Variants in LRRC1 observed in about 807,000 individuals in gnomAD.
LRRC1 encodes the protein leucine rich repeat containing 1.
LRRC1 carries 28 observed loss-of-function variants against 69.9 expected under a neutral mutation model. That is an observed-to-expected ratio of 0.40 (90% CI 0.30 to 0.55). The LOEUF (loss-of-function observed/expected upper bound fraction) is 0.55, where lower values mean the gene tolerates loss of function less well. Ranked by LOEUF, LRRC1 falls within the 20% of genes least tolerant of loss-of-function variation. The pLI, the probability that LRRC1 is intolerant of heterozygous loss-of-function variation, is 0.47. For synonymous variants in LRRC1, 236 were observed against 240.2 expected (o/e 0.98, Z 0.16); for missense variants, 498 against 609.0 (o/e 0.82, Z 1.92).
At position 53,897,196 on chromosome 6, in the gene LRRC1, G is replaced by T; in HGVS notation, c.568-89G>T. On this transcript the variant is annotated intron_variant, in intron 6 of 13. Coordinates refer to ENST00000370888, the MANE Select transcript of LRRC1 (RefSeq NM_018214.5). ...TGAACATCTGCTAAGGTACCCAGTTGTTAACAGATGAATTCAGTTTCTTTC... is the reference window on the plus strand; with the variant it reads ...TGAACATCTGCTAAGGTACCCAGTTTTTAACAGATGAATTCAGTTTCTTTC... 3.5e-6 allele frequency: 3 copies of T among 863,290 alleles called. No homozygotes were observed. In the South Asian group the frequency reaches 4.7e-5, roughly 14 times the overall value. 53.5% of individuals were successfully genotyped at this position (863,290 alleles called of 1,614,324 possible).
At chr6:53,861,641 T>C (rs950594056) in intron 2 of LRRC1, among the ~76,000 whole-genome samples, 3 of 152,020 alleles carry the variant, frequency 2.0e-5, no homozygotes, top group Non-Finnish European at 4.4e-5. Flanking sequence ...GGTGAGACTA[T>C]TGAGAATCAG....
At chr6:53,846,478 C>T (rs904288981) in intron 2 of LRRC1, among the ~76,000 whole-genome samples, 6 of 152,220 alleles carry the variant, frequency 3.9e-5, no homozygotes, top group South Asian at 4.1e-4. Context: ...AGGCCCCTTC[C>T]GATGCCGCTG....
At chr6:53,900,330 C>T (rs1003117452) in intron 8 of LRRC1, among the ~76,000 whole-genome samples, 3 of 152,200 alleles carry the variant, frequency 2.0e-5, no homozygotes, top group Non-Finnish European at 4.4e-5. Context: ...AGCCACCATG[C>T]CCGGCCTTGC....
intron 1 of LRRC1, among the ~76,000 whole-genome samples, chr6:53,828,792 T>C (rs1765344084): frequency 6.6e-6 from 1 of 152,164 alleles, no homozygotes; most frequent in Non-Finnish European, 1.5e-5. Flanking sequence ...TTGTGGTCCT[T>C]CTCTGTTTTT....
rs139372125 is a variant in LRRC1 at position 53,817,418 on chromosome 6, A to C, written c.159+22003A>C. Among the ~76,000 whole-genome samples the C allele has an allele frequency of 2.2e-3, 328 of 152,316 alleles. 2 individuals carry two copies. The highest frequency in any genetic ancestry group is 7.5e-3 in the African/African-American group (313 of 41,558). On this transcript the variant is annotated intron_variant, in intron 1 of 13. Transcript: ENST00000370888. ...ATCAAGCTAATTAACATGTCACCTC[A>C]AATATTTAACATTTTTGTGATGAGA...
intron 4 of LRRC1, among the ~76,000 whole-genome samples, chr6:53,895,898 A>T (rs1767853661): frequency 1.3e-5 from 2 of 152,224 alleles, no homozygotes; most frequent in Non-Finnish European, 2.9e-5. Context: ...TGTTCCAGGC[A>T]CTGTGCAAGA....
intron 2 of LRRC1, among the ~76,000 whole-genome samples, chr6:53,873,458 AT>A (rs35667628): frequency 1.3e-3 from 176 of 140,036 alleles, no homozygotes; most frequent in Middle Eastern, 3.7e-3. Context: ...CGCCCGGCTA[AT>A]TTTTTTTTTT....
At chr6:53,915,412 C>G (rs1185219311) in intron 11 of LRRC1, among the ~76,000 whole-genome samples, 5 of 152,152 alleles carry the variant, frequency 3.3e-5, no homozygotes, top group African/African-American at 1.2e-4. Context: ...TTGCCGGAAA[C>G]CCAGGATTAA....
At chr6:53,812,086 G>T (rs1760985927) in intron 1 of LRRC1, among the ~76,000 whole-genome samples, 1 of 152,240 alleles carries the variant, frequency 6.6e-6, no homozygotes, top group African/African-American at 2.4e-5. Context: ...GAAGCATGGG[G>T]TTTAAGAAGA....
At chr6:53,850,893 A>G (rs1766106174) in intron 2 of LRRC1, among the ~76,000 whole-genome samples, 1 of 152,176 alleles carries the variant, frequency 6.6e-6, no homozygotes, top group African/African-American at 2.4e-5. Flanking sequence ...AGGGGAAGAA[A>G]AAGGAGAATT....
chr6:53,898,023 C>T (rs1296643711), intron 7 of LRRC1, among the ~76,000 whole-genome samples: 2 of 152,104 alleles, frequency 1.3e-5, no homozygotes, highest in Non-Finnish European at 2.9e-5. Flanking sequence ...ATTTTTTTCT[C>T]CAACTATTAC....
intron 2 of LRRC1, among the ~76,000 whole-genome samples, chr6:53,843,345 G>A (rs1765847298): frequency 6.6e-6 from 1 of 152,050 alleles, no homozygotes; most frequent in Non-Finnish European, 1.5e-5. Context: ...TTCTTCTGTG[G>A]GTCATTGTTA....
intron 2 of LRRC1, among the ~76,000 whole-genome samples, chr6:53,853,261 C>T (rs1028873281): frequency 6.7e-6 from 1 of 148,954 alleles, no homozygotes; most frequent in Non-Finnish European, 1.5e-5. Flanking sequence ...GGTGGTATTA[C>T]ATAAATAACA....
At chr6:53,822,069 T>G (rs1178808948) in intron 1 of LRRC1, among the ~76,000 whole-genome samples, 2 of 152,190 alleles carry the variant, frequency 1.3e-5, no homozygotes, top group Non-Finnish European at 1.5e-5. Context: ...AGACAGTTTC[T>G]CTTTGTTGTT....
At chr6:53,803,752 A>G (rs1398822295) in intron 1 of LRRC1, among the ~76,000 whole-genome samples, 4 of 152,204 alleles carry the variant, frequency 2.6e-5, no homozygotes, top group Non-Finnish European at 4.4e-5. Context: ...TAAAAACCCC[A>G]AGGAATGGAT....
At chr6:53,891,011 G>C (rs1767662577) in intron 4 of LRRC1, among the ~76,000 whole-genome samples, 1 of 152,208 alleles carries the variant, frequency 6.6e-6, no homozygotes, top group East Asian at 1.9e-4. Context: ...ATTCCTTAAA[G>C]TAACCATTCA....
At chr6:53,882,842 G>T (rs370555843) in intron 3 of LRRC1, 45 bp from the exon 4 acceptor site, 3 of 1,250,154 alleles carry the variant, frequency 2.4e-6, no homozygotes, top group Non-Finnish European at 3.5e-6. Context: ...CACTATACAT[G>T]AACTTTTTTA....
At chr6:53,900,771 G>A (rs188051736) in intron 8 of LRRC1, among the ~76,000 whole-genome samples, 5 of 152,270 alleles carry the variant, frequency 3.3e-5, no homozygotes, top group African/African-American at 4.8e-5. Context: ...GAAATTAAAC[G>A]CAGAGAAAGT....
Position 53,882,876 on chromosome 6 carries a change from T to TTTGA in LRRC1, c.357-8_357-5dup, listed in dbSNP as rs1351113613. On this transcript the variant is annotated splice_polypyrimidine_tract_variant and intron_variant, in intron 3 of 13. Coordinates refer to ENST00000370888, the MANE Select transcript of LRRC1 (RefSeq NM_018214.5). ...TAATTTACAGCGTTTTGTTTGTTTG[T>TTTGA]TTGATTTTAGGTTGCCAGAAAGCTT... 6.4e-7 allele frequency: 1 copy of TTTGA among 1,571,978 alleles called. No individual in the cohort carries two copies. The highest frequency in any genetic ancestry group is 1.4e-5 in the African/African-American group (1 of 73,328).
Sources: allele counts gnomAD v4.1 joint callset (sites outside exome capture counted in the v4.1 genomes callset), GRCh38; gene constraint gnomAD v4.1.1; transcripts MANE v1.5; gene names NCBI Gene and HGNC (gene_info 2026-07-23, HGNC 2026-07-21).